CD83: variants seen among roughly 807,000 people sequenced by gnomAD.
CD83 encodes CD83 molecule, also known as CD83 antigen.
In CD83, 22 loss-of-function variants were observed where a neutral mutation model predicts 24.6. That is an observed-to-expected ratio of 0.90 (90% CI 0.64 to 1.28). CD83 has a LOEUF of 1.28. Ranked by LOEUF, CD83 falls within the 50% of genes most tolerant of loss-of-function variation. CD83 has a pLI of 0.00. For synonymous variants in CD83, 101 were observed against 103.5 expected (o/e 0.98, Z 0.14); for missense variants, 253 against 252.8 (o/e 1.00, Z -0.01).
At chr6:14,134,642 T>G (rs1031823795) in intron 4 of CD83, among the ~76,000 whole-genome samples, 1 of 152,192 alleles carries the variant, frequency 6.6e-6, no homozygotes, top group African/African-American at 2.4e-5. Context: ...TACCAGTCAA[T>G]CAGAGACTCC....
intron 2 of CD83, among the ~76,000 whole-genome samples, chr6:14,123,391 G>T (rs976634383): frequency 6.6e-6 from 1 of 152,286 alleles, no homozygotes; most frequent in South Asian, 2.1e-4. Flanking sequence ...AAGCCACCAC[G>T]CCCGGCCTCA....
At chr6:14,120,354 G>A (rs1759644488) in intron 2 of CD83, among the ~76,000 whole-genome samples, 1 of 152,088 alleles carries the variant, frequency 6.6e-6, no homozygotes, top group African/African-American at 2.4e-5. Context: ...AGAGTGTTCT[G>A]GAGACAAGGC....
chr6:14,129,441 A>G lies in CD83; in HGVS notation c.154-2079A>G, dbSNP rs1302285996. Among the ~76,000 whole-genome samples, 1 of 152,222 alleles carries G rather than the reference A, an allele frequency of 6.6e-6. No individual in the cohort carries two copies. The highest frequency in any genetic ancestry group is 1.5e-5 in the Non-Finnish European group (1 of 68,032). ...GAAAAGGGAAAAATGGTGCTAAATT[A>G]GATGTGTTCTGGAATCAGATGGACA... On this transcript the variant is annotated intron_variant, in intron 2 of 4. Transcript: ENST00000379153. The surrounding 1 kb of genome is among the most constrained non-coding windows in gnomAD (Gnocchi z 4.3).
chr6:14,133,789 A>G (rs770960046), intron 4 of CD83, 34 bp downstream of exon 4: 1 of 1,376,326 alleles, frequency 7.3e-7, no homozygotes, highest in African/African-American at 1.4e-5. Context: ...TCTCTTATTA[A>G]AAGATTACCC....
chr6:14,119,338 C>T (rs956923890), intron 2 of CD83, among the ~76,000 whole-genome samples: 1 of 152,156 alleles, frequency 6.6e-6, no homozygotes, highest in African/African-American at 2.4e-5. Context: ...GATCAGAGAA[C>T]ACAACAATTC....
intron 2 of CD83, among the ~76,000 whole-genome samples, chr6:14,127,879 G>A (rs1008692284): frequency 5.3e-5 from 8 of 152,214 alleles, no homozygotes; most frequent in Non-Finnish European, 1.2e-4. Flanking sequence ...TGAGTGTTTT[G>A]AGTAATTAAT....
At chr6:14,128,009 T>C (rs1420958269) in intron 2 of CD83, among the ~76,000 whole-genome samples, 2 of 152,252 alleles carry the variant, frequency 1.3e-5, no homozygotes, top group African/African-American at 4.8e-5. Flanking sequence ...TTCCTTTTGT[T>C]ATAAATTACT....
chr6:14,134,490 C>T (rs370824525), intron 4 of CD83, among the ~76,000 whole-genome samples: 2 of 152,182 alleles, frequency 1.3e-5, no homozygotes, highest in African/African-American at 4.8e-5. Flanking sequence ...CTCCATCCAC[C>T]AGGCAGGGCT....
chr6:14,128,975 G>A (rs558819015), intron 2 of CD83, among the ~76,000 whole-genome samples: 2 of 152,276 alleles, frequency 1.3e-5, no homozygotes, highest in South Asian at 2.1e-4. Context: ...CAATAATGGG[G>A]CCATCTTTAT....
intron 4 of CD83, 35 bp from the exon 5 acceptor site, chr6:14,135,073 A>G (rs764325116): frequency 1.2e-6 from 2 of 1,610,278 alleles, no homozygotes; most frequent in Admixed American, 1.7e-5. Flanking sequence ...AATTTTTCCA[A>G]TTATTCACTT....
chr6:14,123,889 G>A (rs1759729332), intron 2 of CD83, among the ~76,000 whole-genome samples: 1 of 152,120 alleles, frequency 6.6e-6, no homozygotes, highest in African/African-American at 2.4e-5. Context: ...AGGAAGTTTG[G>A]AGAAGGTCTC....
intron 2 of CD83, among the ~76,000 whole-genome samples, chr6:14,125,567 C>G (rs1001329576): frequency 3.3e-5 from 5 of 152,192 alleles, no homozygotes; most frequent in Non-Finnish European, 7.3e-5. Flanking sequence ...GAGCCAGTCT[C>G]CATGATCGTG....
chr6:14,118,488 G>A (rs1404966557), intron 2 of CD83, among the ~76,000 whole-genome samples: 1 of 152,198 alleles, frequency 6.6e-6, no homozygotes, highest in African/African-American at 2.4e-5. Context: ...TTTTGTGACT[G>A]TGATGCCCAT....
rs1349807739 is a variant in CD83, at chr6:14,129,628, C to T, written c.154-1892C>T. Among the ~76,000 whole-genome samples the T allele has an allele frequency of 6.6e-6, 1 of 152,040 alleles. No homozygotes were observed. Among genetic ancestry groups the T allele is most frequent in the Non-Finnish European group, 1.5e-5 (1 of 68,008 alleles). On this transcript the variant is annotated intron_variant, in intron 2 of 4. Transcript: ENST00000379153. This position sits in a 1 kb window ranked among gnomAD's most constrained non-coding sequence, Gnocchi z 4.3. ...ACCATCAAGAAATGGGATTTATGTCCGCAGACTCGGCCTGAGAAGAGCCGT... is the reference window on the plus strand; with the variant it reads ...ACCATCAAGAAATGGGATTTATGTCTGCAGACTCGGCCTGAGAAGAGCCGT...
At chr6:14,120,622 C>T (rs1010731419) in intron 2 of CD83, among the ~76,000 whole-genome samples, 3 of 152,210 alleles carry the variant, frequency 2.0e-5, no homozygotes, top group African/African-American at 7.2e-5. Context: ...AGTGGGTTTT[C>T]ACCATCCACC....
At chr6:14,126,518 C>T (rs1264892012) in intron 2 of CD83, among the ~76,000 whole-genome samples, 1 of 152,208 alleles carries the variant, frequency 6.6e-6, no homozygotes, top group African/African-American at 2.4e-5. Flanking sequence ...ATGCCAATGC[C>T]TGTGCTCTTA....
intron 2 of CD83, among the ~76,000 whole-genome samples, chr6:14,122,650 AT>A (rs1330794760): frequency 1.3e-5 from 2 of 152,180 alleles, no homozygotes; most frequent in African/African-American, 2.4e-5. Flanking sequence ...AAAAAAAAAA[AT>A]CGTACTGTCC....
rs2113405378 is a variant in CD83, at chr6:14,133,661, A to G, written c.395A>G (p.Gln132Arg). 1.2e-6 allele frequency: 2 copies of G among 1,610,056 alleles called. No individual in the cohort carries two copies. Among genetic ancestry groups the G allele is most frequent in the South Asian group, 1.1e-5 (1 of 90,676 alleles). The change falls in exon 4 of 5, where the codon CAG becomes CGG. Residue 132 changes from glutamine (Q) to arginine (R), a missense_variant. Physicochemically the swap from Gln to Arg is conservative, Grantham distance 43 (BLOSUM62 1). Coordinates refer to ENST00000379153, the MANE Select transcript of CD83 (RefSeq NM_004233.4). ...VILRVTGCPA[Q>R]RKEETFKKYR... ...TACTTTTTTAAAGGATGCCCTGCAC[A>G]GCGTAAAGAAGAGACTTTTAAGAAA...
chr6:14,130,827 A>G (rs1757878491), intron 2 of CD83, among the ~76,000 whole-genome samples: 1 of 152,252 alleles, frequency 6.6e-6, no homozygotes, highest in East Asian at 1.9e-4. Context: ...CAGTGAAGTC[A>G]GCTGTTACTG....
Sources: allele counts gnomAD v4.1 joint callset (sites outside exome capture counted in the v4.1 genomes callset), GRCh38; gene constraint gnomAD v4.1.1; non-coding constraint Gnocchi (gnomAD v3.1); transcripts MANE v1.5; gene names NCBI Gene and HGNC (gene_info 2026-07-23, HGNC 2026-07-21).